AGMO: variants seen among roughly 807,000 people sequenced by gnomAD.
AGMO encodes the protein alkylglycerol monooxygenase.
Under a neutral mutation model 60.2 loss-of-function variants are expected in AGMO, and 75 were observed. The ratio of observed to expected loss-of-function variants is 1.25; its 90% confidence interval spans 1.03 to 1.51. The LOEUF is 1.51. Among genes scored for constraint, AGMO ranks in the 40% most tolerant of loss-of-function variants. The probability of loss-of-function intolerance (pLI) is 0.00; values close to 1 mark genes in which losing one functional copy is unlikely to be tolerated. For missense variants in AGMO, 763 were observed against 525.5 expected (o/e 1.45, Z -4.42); for synonymous variants, 261 against 177.1 (o/e 1.47, Z -3.76).
chr7:15,228,380 T>C (rs1015915537), intron 12 of AGMO, among the ~76,000 whole-genome samples: 1 of 152,036 alleles, frequency 6.6e-6, no homozygotes, highest in East Asian at 1.9e-4. Context: ...TAAAACAATC[T>C]TGCTAGCTAT....
At chr7:15,479,596 A>G (rs545164266) in intron 3 of AGMO, among the ~76,000 whole-genome samples, 2 of 152,170 alleles carry the variant, frequency 1.3e-5, no homozygotes, top group Admixed American at 6.6e-5. Context: ...AATGAATGTA[A>G]TGAAAACAAA....
At chr7:15,504,139 A>C (rs1412720006) in intron 3 of AGMO, among the ~76,000 whole-genome samples, 1 of 152,020 alleles carries the variant, frequency 6.6e-6, no homozygotes, top group East Asian at 1.9e-4. Context: ...ATGTAATATA[A>C]GGAAACTGTT....
intron 12 of AGMO, among the ~76,000 whole-genome samples, chr7:15,222,857 G>C (rs1397835214): frequency 1.3e-5 from 2 of 151,740 alleles, no homozygotes; most frequent in Non-Finnish European, 2.9e-5. Flanking sequence ...TAAGAACAAG[G>C]ATTTTCCCCA....
At chr7:15,438,682 A>G (rs1034884007) in intron 3 of AGMO, among the ~76,000 whole-genome samples, 12 of 152,144 alleles carry the variant, frequency 7.9e-5, no homozygotes, top group African/African-American at 2.9e-4. Context: ...AGCAGAGGAC[A>G]CTAAGGCCCT....
chr7:15,456,880 T>C (rs1425426800), intron 3 of AGMO, among the ~76,000 whole-genome samples: 3 of 152,160 alleles, frequency 2.0e-5, no homozygotes, highest in Non-Finnish European at 4.4e-5. Flanking sequence ...TGCAGTACCT[T>C]CCATTTATTG....
At chr7:15,248,958 A>C (rs1341558997) in intron 12 of AGMO, among the ~76,000 whole-genome samples, 1 of 152,216 alleles carries the variant, frequency 6.6e-6, no homozygotes, top group Non-Finnish European at 1.5e-5. Flanking sequence ...GGGAGGATAC[A>C]TAAATCGGTA....
At chr7:15,207,494 T>C (rs1300066918) in intron 12 of AGMO, among the ~76,000 whole-genome samples, 1 of 152,236 alleles carries the variant, frequency 6.6e-6, no homozygotes, top group Admixed American at 6.5e-5. Flanking sequence ...GACACACTTC[T>C]ATTTACATTG....
At chr7:15,328,821 C>CT (rs1375263924) in intron 12 of AGMO, among the ~76,000 whole-genome samples, 3 of 152,104 alleles carry the variant, frequency 2.0e-5, no homozygotes, top group Non-Finnish European at 4.4e-5. Context: ...GTTAACCTCT[C>CT]TGAGGCATTT....
rs144549105 is a variant in AGMO, at chr7:15,493,334, AACACACAC to A, written c.409+51430_409+51437del. ...GACACACACGCGCACAAACACACAA[AACACACAC>A]ACACACACACACACACACACTTCTT... On this transcript the variant is annotated intron_variant, in intron 3 of 12. Coordinates refer to ENST00000342526, the MANE Select transcript of AGMO (RefSeq NM_001004320.2). Among the ~76,000 whole-genome samples the A allele has an allele frequency of 4.8e-4, 34 of 70,380 alleles. 1 individual carries two copies. Among genetic ancestry groups the A allele is most frequent in the African/African-American group, 1.4e-3 (25 of 17,718 alleles). The allele number at this position is 70,380 out of a possible 152,430, so 46.2% of individuals were successfully genotyped here. A position where few individuals can be genotyped will look rare whatever the true frequency, so the allele number is the denominator to read the frequency against.
intron 3 of AGMO, among the ~76,000 whole-genome samples, chr7:15,540,267 G>C (rs1784590795): frequency 6.6e-6 from 1 of 152,138 alleles, no homozygotes; most frequent in African/African-American, 2.4e-5. Context: ...AACTCTGTTG[G>C]TGACAGAGAA....
At chr7:15,378,975 T>TA (rs1354921642) in intron 10 of AGMO, among the ~76,000 whole-genome samples, 1 of 151,940 alleles carries the variant, frequency 6.6e-6, no homozygotes, top group Admixed American at 6.6e-5. Flanking sequence ...ACCATACAAT[T>TA]ACATGGAAAC....
At chr7:15,261,989 A>T (rs1055570577) in intron 12 of AGMO, among the ~76,000 whole-genome samples, 2 of 152,100 alleles carry the variant, frequency 1.3e-5, no homozygotes, top group African/African-American at 4.8e-5. Context: ...TAGAAGGGAC[A>T]TATTTTAAGA....
chr7:15,126,529 G>A, the AGMO span, among the ~76,000 whole-genome samples: 144 of 152,064 alleles, frequency 9.5e-4, 2 homozygotes, highest in African/African-American at 3.4e-3. Context: ...ATAAACTTGC[G>A]GACTAAGCTC....
chr7:15,412,309 G>A (rs1780636891), intron 5 of AGMO, among the ~76,000 whole-genome samples: 1 of 152,018 alleles, frequency 6.6e-6, no homozygotes, highest in Non-Finnish European at 1.5e-5. Flanking sequence ...TTGCTGAGAA[G>A]AATTTGTTTT....
At chr7:15,290,028 G>C (rs11770134) in intron 12 of AGMO, among the ~76,000 whole-genome samples, 48,085 of 118,338 alleles carry the variant, frequency 0.41, 9,964 homozygotes, top group Admixed American at 0.54. Context: ...TCCACCTTAA[G>C]TTGATTTTTT....
chr7:15,368,464 T>G (rs1343236065), intron 10 of AGMO, among the ~76,000 whole-genome samples: 1 of 152,110 alleles, frequency 6.6e-6, no homozygotes, highest in Non-Finnish European at 1.5e-5. Context: ...AAATGCTCTT[T>G]AAGAACACAG....
At position 15,431,092 on chromosome 7, in the gene AGMO, C is replaced by A. The variant is rs763395062; in HGVS notation, c.426G>T (p.Trp142Cys). 8.1e-6 allele frequency: 13 copies of A among 1,610,270 alleles called. No homozygotes were observed. Among genetic ancestry groups the A allele is most frequent in the Middle Eastern group, 1.6e-4 (1 of 6,072 alleles). Reference protein sequence around the residue: ...HRMAHEVNIMWAGHQTHHSSE... With the variant: ...HRMAHEVNIMCAGHQTHHSSE... ...AACTATGATGTGTTTGGTGTCCGGC[C>A]CACATAATATTAACTTCTGCAAAAC... Residue 142 changes from tryptophan (W) to cysteine (C), a missense_variant, in exon 4 of 13, where the codon TGG becomes TGT. Transcript: ENST00000342526.
chr7:15,459,329 GT>G (rs1562518193), intron 3 of AGMO, among the ~76,000 whole-genome samples: 11 of 152,060 alleles, frequency 7.2e-5, no homozygotes, highest in Middle Eastern at 3.4e-3. Context: ...CAAAAACAGC[GT>G]AAGTGATGCA....
At chr7:15,167,493 T>C in the AGMO span, among the ~76,000 whole-genome samples, 1 of 152,226 alleles carries the variant, frequency 6.6e-6, no homozygotes, top group Admixed American at 6.5e-5. Flanking sequence ...GACTACATTA[T>C]ACTGCTTTGG....
Sources: gnomAD v4.1 joint callset for allele counts (sites outside exome capture counted in the v4.1 genomes callset) on GRCh38, gnomAD v4.1.1 for gene constraint, MANE v1.5 for transcripts, NCBI Gene and HGNC (gene_info 2026-07-23, HGNC 2026-07-21) for gene names.